The following RBFOX1 variants were observed in gnomAD, a reference collection of about 807,000 sequenced individuals.
RBFOX1 encodes RNA binding fox-1 homolog 1, also known as RNA binding protein fox-1 homolog 1.
RBFOX1 carries 8 observed loss-of-function variants against 57.7 expected under a neutral mutation model. The ratio of observed to expected loss-of-function variants is 0.14; its 90% confidence interval spans 0.08 to 0.25. RBFOX1 has a LOEUF of 0.25. Among genes scored for constraint, RBFOX1 ranks in the 10% least tolerant of loss-of-function variants. RBFOX1 has a pLI of 1.00. For missense variants in RBFOX1, 611 were observed against 548.5 expected (o/e 1.11, Z -1.14); for synonymous variants, 326 against 222.4 (o/e 1.47, Z -4.15).
rs575291882 is a variant in RBFOX1 at position 5,535,968 on chromosome 16, A to G, written c.259-62934A>G. Among the ~76,000 whole-genome samples, 6 of 152,088 alleles carry G rather than the reference A, an allele frequency of 3.9e-5. No homozygotes were observed. In the South Asian group the frequency reaches 1.0e-3, roughly 26 times the overall value. ...GTACTCTGAAGTTTTGATCTTTCCG[A>G]TGAGTTAGTAAAAGTTTGTACAGCC... On this transcript the variant is annotated intron_variant, in intron 2 of 2. Transcript: ENST00000585867.
chr16:6,366,529 A>G (rs2089649928), intron 2 of RBFOX1, among the ~76,000 whole-genome samples: 1 of 152,154 alleles, frequency 6.6e-6, no homozygotes, highest in African/African-American at 2.4e-5. Context: ...ATATGACACC[A>G]CCTGAATTTT....
chr16:7,413,322 G>A (rs1218743389), intron 4 of RBFOX1, among the ~76,000 whole-genome samples: 1 of 151,820 alleles, frequency 6.6e-6, no homozygotes, highest in African/African-American at 2.4e-5. Context: ...CTGACCCCCT[G>A]CCTCCCTTCC....
At chr16:6,330,642 C>T (rs566854115) in intron 2 of RBFOX1, among the ~76,000 whole-genome samples, 16 of 152,326 alleles carry the variant, frequency 1.1e-4, no homozygotes, top group Admixed American at 9.2e-4. Flanking sequence ...GCGAGAGACA[C>T]AGTGGGAAAA....
intron 4 of RBFOX1, among the ~76,000 whole-genome samples, chr16:7,158,128 C>T (rs966574038): frequency 6.6e-6 from 1 of 152,068 alleles, no homozygotes; most frequent in Non-Finnish European, 1.5e-5. Flanking sequence ...GTGGGCGGAT[C>T]ACAAGGTCAG....
At chr16:6,806,395 A>G (rs748334869) in intron 3 of RBFOX1, among the ~76,000 whole-genome samples, 4 of 152,224 alleles carry the variant, frequency 2.6e-5, no homozygotes, top group Non-Finnish European at 5.9e-5. Context: ...AGGAAAAACC[A>G]GAAAGACTGT....
intron 3 of RBFOX1, among the ~76,000 whole-genome samples, chr16:5,765,579 A>G (rs866864924): frequency 7.2e-5 from 11 of 152,224 alleles, no homozygotes; most frequent in South Asian, 2.1e-4. Flanking sequence ...ATAACTACAC[A>G]TGAAAGAATG....
At chr16:7,671,324 AG>A (rs1317744172) in intron 13 of RBFOX1, among the ~76,000 whole-genome samples, 1 of 152,182 alleles carries the variant, frequency 6.6e-6, no homozygotes, top group Non-Finnish European at 1.5e-5. Flanking sequence ...TATAACACAA[AG>A]TGGTTTGATC....
At position 6,195,176 on chromosome 16, in the gene RBFOX1, T is replaced by C. The variant is rs74006925; in HGVS notation, c.-126-121819T>C. 7.4e-3 allele frequency among the ~76,000 whole-genome samples: 1,133 copies of C among 152,304 alleles called. 9 individuals carry two copies. Among genetic ancestry groups the C allele is most frequent in the African/African-American group, 0.026 (1,074 of 41,560 alleles). ...ATTAATCATACGACATATTTTCCTTTATAAAATGCCTTCTTACCTACCGCC... is the reference window on the plus strand; with the variant it reads ...ATTAATCATACGACATATTTTCCTTCATAAAATGCCTTCTTACCTACCGCC... On this transcript the variant is annotated intron_variant, in intron 1 of 15. Transcript: ENST00000550418.
chr16:6,142,980 C>G (rs981574936), intron 1 of RBFOX1, among the ~76,000 whole-genome samples: 1 of 152,154 alleles, frequency 6.6e-6, no homozygotes, highest in East Asian at 1.9e-4. Context: ...TTCCTTTCTC[C>G]CAGCTCCTGA....
intron 3 of RBFOX1, among the ~76,000 whole-genome samples, chr16:5,853,085 T>G (rs781239843): frequency 7.2e-5 from 11 of 152,072 alleles, no homozygotes; most frequent in African/African-American, 2.7e-4. Flanking sequence ...AAAGAGACTA[T>G]GGATATTGGA....
chr16:7,110,118 G>A (rs1356618405), intron 4 of RBFOX1, among the ~76,000 whole-genome samples: 1 of 151,316 alleles, frequency 6.6e-6, no homozygotes, highest in African/African-American at 2.4e-5. Flanking sequence ...GGGAGGCTTT[G>A]GAAGGAGGAT....
chr16:5,379,998 G>A (rs549189934), intron 1 of RBFOX1, among the ~76,000 whole-genome samples: 18 of 152,316 alleles, frequency 1.2e-4, no homozygotes, highest in African/African-American at 3.8e-4. Flanking sequence ...GGGAGCCTGG[G>A]CACAGCCTTG....
chr16:5,766,911 A>T (rs1035903306), intron 3 of RBFOX1, among the ~76,000 whole-genome samples: 1 of 152,138 alleles, frequency 6.6e-6, no homozygotes, highest in East Asian at 1.9e-4. Context: ...TTAAACCTCT[A>T]CTTATAGTTC....
intron 4 of RBFOX1, among the ~76,000 whole-genome samples, chr16:5,971,066 C>T (rs1294282384): frequency 6.6e-6 from 1 of 152,194 alleles, no homozygotes; most frequent in Non-Finnish European, 1.5e-5. Flanking sequence ...GACAGTGTTC[C>T]TGTCCCCTTT....
chr16:7,548,235 G>A (rs2085185282), intron 5 of RBFOX1, among the ~76,000 whole-genome samples: 1 of 152,128 alleles, frequency 6.6e-6, no homozygotes, highest in Non-Finnish European at 1.5e-5. Flanking sequence ...ACAGTGGTGT[G>A]ATCTTGGCTC....
chr16:7,518,477 C>T (rs1269899648), intron 5 of RBFOX1, 88 bp downstream of exon 5: 19 of 1,498,632 alleles, frequency 1.3e-5, no homozygotes, highest in Non-Finnish European at 1.4e-5. Context: ...CCCCATCTAC[C>T]CAGGGACTCT....
rs150545941 is a variant in RBFOX1 at position 6,676,638 on chromosome 16, C to G, written c.-16+21988C>G. Among the ~76,000 whole-genome samples the G allele has an allele frequency of 9.5e-3, 1,431 of 150,116 alleles. 9 individuals carry two copies. Among genetic ancestry groups the G allele is most frequent in the Non-Finnish European group, 0.015 (999 of 67,496 alleles). ...GAGCCTTTACAGATGTTATTCTCAA[C>G]TTACTTTCTTTTTTTTTCTTTTTGT... is the stretch of plus-strand genomic sequence containing the variant. On this transcript the variant is annotated intron_variant, in intron 3 of 15. Coordinates refer to ENST00000550418, the MANE Select transcript of RBFOX1 (RefSeq NM_018723.4).
intron 1 of RBFOX1, among the ~76,000 whole-genome samples, chr16:6,052,789 A>G (rs1329906598): frequency 1.6e-5 from 2 of 125,920 alleles, no homozygotes; most frequent in Non-Finnish European, 3.3e-5. Context: ...GTCTCAAAAA[A>G]TAAATAAAAT....
chr16:5,872,394 A>G (rs2057495601), intron 4 of RBFOX1, among the ~76,000 whole-genome samples: 1 of 152,232 alleles, frequency 6.6e-6, no homozygotes, highest in Non-Finnish European at 1.5e-5. Flanking sequence ...GGAATGGTGA[A>G]ATAAAGTACA....
Sources: gnomAD v4.1 joint callset for allele counts (sites outside exome capture counted in the v4.1 genomes callset) on GRCh38, gnomAD v4.1.1 for gene constraint, MANE v1.5 for transcripts, NCBI Gene and HGNC (gene_info 2026-07-23, HGNC 2026-07-21) for gene names.